DCDC1: variants seen among roughly 807,000 people sequenced by gnomAD.
The protein encoded by DCDC1 is doublecortin domain-containing protein 1.
Under a neutral mutation model 178.3 loss-of-function variants are expected in DCDC1, and 200 were observed. The ratio of observed to expected loss-of-function variants is 1.12; its 90% CI spans 1.00 to 1.26. The LOEUF (loss-of-function observed/expected upper bound fraction) is 1.26. Ranked by LOEUF, DCDC1 falls within the 50% of genes most tolerant of loss-of-function variation. The pLI is 0.00. For missense variants in DCDC1, 1,983 were observed against 1,749.2 expected (o/e 1.13, Z -2.38); for synonymous variants, 690 against 604.8 (o/e 1.14, Z -2.07).
At chr11:31,094,832 T>A (rs1230822969) in intron 15 of DCDC1, among the ~76,000 whole-genome samples, 1 of 152,062 alleles carries the variant, frequency 6.6e-6, no homozygotes, top group East Asian at 1.9e-4. Flanking sequence ...CTGGGGTACA[T>A]GTGCAGAACA....
At chr11:30,932,938 C>T (rs986731072) in intron 21 of DCDC1, among the ~76,000 whole-genome samples, 1 of 151,332 alleles carries the variant, frequency 6.6e-6, no homozygotes, top group African/African-American at 2.4e-5. Context: ...AGAGTAAATG[C>T]AGGAAGGGAT....
chr11:30,963,532 T>C (rs773657918), intron 20 of DCDC1, among the ~76,000 whole-genome samples: 2 of 152,086 alleles, frequency 1.3e-5, no homozygotes, highest in African/African-American at 2.4e-5. Flanking sequence ...GTGGATATGA[T>C]GGGCACCACT....
intron 13 of DCDC1, among the ~76,000 whole-genome samples, chr11:31,104,094 TC>T (rs1958690482): frequency 6.6e-6 from 1 of 152,180 alleles, no homozygotes. Context: ...ATAACAGTAA[TC>T]CAATACATCT....
chr11:30,902,010 A>G (rs1944713245), intron 32 of DCDC1, among the ~76,000 whole-genome samples: 1 of 152,162 alleles, frequency 6.6e-6, no homozygotes, highest in African/African-American at 2.4e-5. Context: ...CCAAATGAAT[A>G]TATTAATAAT....
At chr11:31,054,717 C>A (rs1955475463) in intron 20 of DCDC1, among the ~76,000 whole-genome samples, 1 of 152,108 alleles carries the variant, frequency 6.6e-6, no homozygotes, top group Non-Finnish European at 1.5e-5. Flanking sequence ...ACAAAGCAAA[C>A]AAAAACATGA....
At chr11:31,075,597 T>C (rs780686065) in intron 18 of DCDC1, among the ~76,000 whole-genome samples, 4 of 152,230 alleles carry the variant, frequency 2.6e-5, no homozygotes, top group East Asian at 1.9e-4. Flanking sequence ...TTCTAACTAG[T>C]GTAACAAGTA....
chr11:31,147,278 A>C (rs1327493228), intron 9 of DCDC1, among the ~76,000 whole-genome samples: 1 of 152,116 alleles, frequency 6.6e-6, no homozygotes, highest in Non-Finnish European at 1.5e-5. Context: ...CTTAACTTTA[A>C]AGGGGGAAAT....
At chr11:31,102,025 C>T (rs1446952033) in intron 15 of DCDC1, among the ~76,000 whole-genome samples, 152 bp downstream of exon 15, 1 of 150,314 alleles carries the variant, frequency 6.7e-6, no homozygotes, top group African/African-American at 2.5e-5. Context: ...TGCAGTGAGC[C>T]GAGATGGCAC....
intron 20 of DCDC1, among the ~76,000 whole-genome samples, chr11:31,040,468 T>C (rs1954369974): frequency 6.6e-6 from 1 of 152,140 alleles, no homozygotes; most frequent in South Asian, 2.1e-4. Flanking sequence ...CTGTTATAGT[T>C]AAAAGAAGAC....
chr11:31,118,093 C>T (rs1960241927), intron 11 of DCDC1, among the ~76,000 whole-genome samples: 1 of 151,746 alleles, frequency 6.6e-6, no homozygotes, highest in Non-Finnish European at 1.5e-5. Context: ...AGTCATGTGC[C>T]CCTCAAATTT....
At chr11:31,158,140 G>A (rs548189293) in intron 9 of DCDC1, among the ~76,000 whole-genome samples, 161 of 151,910 alleles carry the variant, frequency 1.1e-3, no homozygotes, top group Middle Eastern at 3.4e-3. Context: ...ACGGAGTCTC[G>A]CTCTGTCACC....
At chr11:31,182,361 C>T (rs1968918667) in intron 9 of DCDC1, among the ~76,000 whole-genome samples, 1 of 152,178 alleles carries the variant, frequency 6.6e-6, no homozygotes, top group Non-Finnish European at 1.5e-5. Context: ...GGAAGCCCAT[C>T]AGACTAACAG....
intron 20 of DCDC1, among the ~76,000 whole-genome samples, chr11:31,022,183 C>G (rs980807209): frequency 6.6e-6 from 1 of 152,132 alleles, no homozygotes; most frequent in Non-Finnish European, 1.5e-5. Flanking sequence ...ATCAACGTGC[C>G]AGCAAGACCA....
chr11:31,312,265 A>T (rs1352793170), intron 3 of DCDC1, among the ~76,000 whole-genome samples: 1 of 152,206 alleles, frequency 6.6e-6, no homozygotes. Context: ...CATTTATGTC[A>T]GACACTGTTC....
intron 8 of DCDC1, among the ~76,000 whole-genome samples, chr11:31,255,477 G>A (rs1234669370): frequency 6.6e-6 from 1 of 151,870 alleles, no homozygotes; most frequent in African/African-American, 2.4e-5. Flanking sequence ...TATTCTCTGT[G>A]TGTGTGTGTG....
At chr11:31,325,078 T>C (rs992387416) in intron 3 of DCDC1, among the ~76,000 whole-genome samples, 4 of 152,186 alleles carry the variant, frequency 2.6e-5, no homozygotes, top group African/African-American at 7.2e-5. Context: ...CCTTAGATGA[T>C]AATTGGTTGA....
chr11:31,344,848 G>C (rs540324445), intron 1 of DCDC1, among the ~76,000 whole-genome samples: 15 of 152,292 alleles, frequency 9.8e-5, no homozygotes, highest in African/African-American at 1.9e-4. Context: ...GTCCTAACTA[G>C]AGTTTAATCT....
intron 3 of DCDC1, among the ~76,000 whole-genome samples, chr11:31,326,383 A>C (rs1228397191): frequency 6.6e-6 from 1 of 152,204 alleles, no homozygotes; most frequent in East Asian, 1.9e-4. Context: ...AAAAAAAATA[A>C]AGTAGCTAAA....
At chr11:30,945,147 T>G (rs1218449096) in intron 21 of DCDC1, among the ~76,000 whole-genome samples, 2 of 151,458 alleles carry the variant, frequency 1.3e-5, no homozygotes, top group Non-Finnish European at 2.9e-5. Context: ...TTTTGTATTT[T>G]TAGTAGAGAC....
Sources: gnomAD v4.1 joint callset for allele counts (sites outside exome capture counted in the v4.1 genomes callset) on GRCh38, gnomAD v4.1.1 for gene constraint, MANE v1.5 for transcripts, NCBI Gene and HGNC (gene_info 2026-07-23, HGNC 2026-07-21) for gene names.